CYSLTR2: variants seen among roughly 807,000 people sequenced by gnomAD.
CYSLTR2 encodes cysteinyl leukotriene receptor 2, also known as G-protein coupled receptor GPCR21.
For missense variants in CYSLTR2, 398 were observed against 411.9 expected (o/e 0.97, Z 0.29); for synonymous variants, 179 against 160.8 (o/e 1.11, Z -0.86).
At chr13:48,676,831 A>T (rs535537655) in intron 1 of CYSLTR2, among the ~76,000 whole-genome samples, 2 of 152,366 alleles carry the variant, frequency 1.3e-5, no homozygotes, top group Non-Finnish European at 2.9e-5. Flanking sequence ...AACAATGCCA[A>T]TTTAGCCTGT....
At chr13:48,680,839 G>T (rs1289253065) in intron 1 of CYSLTR2, among the ~76,000 whole-genome samples, 2 of 121,880 alleles carry the variant, frequency 1.6e-5, no homozygotes, top group Admixed American at 2.0e-4. Context: ...GTGAAATGTT[G>T]CAGTGTGGTG....
chr13:48,682,848 T>C (rs1953793451), intron 1 of CYSLTR2, among the ~76,000 whole-genome samples: 1 of 152,140 alleles, frequency 6.6e-6, no homozygotes, highest in Admixed American at 6.6e-5. Flanking sequence ...TAGTACCCAA[T>C]AACTATTTTT....
At chr13:48,672,620 T>TC (rs1015118115) in intron 1 of CYSLTR2, among the ~76,000 whole-genome samples, 16 of 99,054 alleles carry the variant, frequency 1.6e-4, no homozygotes, top group East Asian at 1.3e-3. Context: ...TCTTTTCTTT[T>TC]TTTTTTTTTT....
At chr13:48,684,171 C>T (rs1953836269) in intron 1 of CYSLTR2, among the ~76,000 whole-genome samples, 1 of 152,058 alleles carries the variant, frequency 6.6e-6, no homozygotes, top group Non-Finnish European at 1.5e-5. Flanking sequence ...TCAAGTGATC[C>T]TCCCACCTTG....
chr13:48,684,303 T>C (rs1176879951), intron 1 of CYSLTR2, among the ~76,000 whole-genome samples: 1 of 152,028 alleles, frequency 6.6e-6, no homozygotes, highest in African/African-American at 2.4e-5. Context: ...TGGGGTAATC[T>C]TGAGAGATTC....
chr13:48,691,598 A>G, intron 2 of CYSLTR2, among the ~76,000 whole-genome samples: 1 of 152,108 alleles, frequency 6.6e-6, no homozygotes. Context: ...AGCTAATGAA[A>G]GACTGAAATA....
At chr13:48,655,468 G>A (rs1264833462) in intron 1 of CYSLTR2, among the ~76,000 whole-genome samples, 3 of 152,180 alleles carry the variant, frequency 2.0e-5, no homozygotes, top group Admixed American at 1.3e-4. Context: ...CCAGGGCTGC[G>A]TTCTGGTTTC....
chr13:48,663,626 AT>A (rs1273364955), intron 1 of CYSLTR2, among the ~76,000 whole-genome samples: 3 of 151,324 alleles, frequency 2.0e-5, no homozygotes, highest in Non-Finnish European at 3.0e-5. Context: ...CCCTCTTGAT[AT>A]TTTTTTTCCA....
intron 1 of CYSLTR2, among the ~76,000 whole-genome samples, chr13:48,662,382 A>G (rs1460267248): frequency 6.6e-6 from 1 of 152,198 alleles, no homozygotes; most frequent in African/African-American, 2.4e-5. Flanking sequence ...CACAAGTGAG[A>G]CTGATGGATC....
chr13:48,680,375 A>G (rs1953715658), intron 1 of CYSLTR2, among the ~76,000 whole-genome samples: 1 of 152,242 alleles, frequency 6.6e-6, no homozygotes, highest in African/African-American at 2.4e-5. Context: ...AATCAGGAAC[A>G]GTTGCAGCTT....
intron 1 of CYSLTR2, among the ~76,000 whole-genome samples, chr13:48,684,568 G>A (rs1001766997): frequency 4.6e-5 from 7 of 151,936 alleles, no homozygotes; most frequent in African/African-American, 1.7e-4. Context: ...GGAACAATGA[G>A]GGAGCACTTA....
intron 1 of CYSLTR2, among the ~76,000 whole-genome samples, chr13:48,661,005 C>T (rs1215224013): frequency 1.3e-5 from 2 of 152,222 alleles, no homozygotes; most frequent in African/African-American, 2.4e-5. Context: ...CAGGCCCTGA[C>T]CTAAGTGCCA....
rs201596957 is a variant in CYSLTR2, at chr13:48,709,395, C to A, written c.*1537C>A. The A allele has an allele frequency of 6.0e-6, 1 of 166,856 alleles. No homozygotes were observed. The highest frequency in any genetic ancestry group is 1.5e-5 in the Non-Finnish European group (1 of 68,100). 10.3% of individuals were successfully genotyped at this position (166,856 alleles called of 1,614,324 possible). A position where few individuals can be genotyped will look rare whatever the true frequency, so the allele number is the denominator to read the frequency against. On this transcript the variant is annotated 3_prime_UTR_variant, in exon 5 of 5. Transcript: ENST00000682523. Reference sequence around the variant, plus strand: ...CCAGTACCCTTTCCTTATTTAGCTACCAGAATGATGACAGACAGACTCAAA... The same window carrying A: ...CCAGTACCCTTTCCTTATTTAGCTAACAGAATGATGACAGACAGACTCAAA...
intron 1 of CYSLTR2, among the ~76,000 whole-genome samples, chr13:48,669,669 AG>A (rs1193938771): frequency 2.0e-5 from 3 of 152,150 alleles, no homozygotes; most frequent in African/African-American, 7.2e-5. Flanking sequence ...TTCTTTATCC[AG>A]TCTATCATTG....
rs1257710251 is a variant in CYSLTR2 at position 48,696,644 on chromosome 13, C to T, written c.-2+18C>T. The T allele has an allele frequency of 6.6e-6, 1 of 152,236 alleles. No homozygotes were observed. Among genetic ancestry groups the T allele is most frequent in the Non-Finnish European group, 1.5e-5 (1 of 68,068 alleles). The allele number at this position is 152,236 out of a possible 1,614,324, so 9.4% of individuals were successfully genotyped here. Reference sequence around the variant, plus strand: ...CAACTGAGGTACTGGGTTCATCTCACTGGGGCTTGTCAGACAGTGGGTGCA... The same window carrying T: ...CAACTGAGGTACTGGGTTCATCTCATTGGGGCTTGTCAGACAGTGGGTGCA... On this transcript the variant is annotated intron_variant, in intron 4 of 4. Coordinates refer to ENST00000682523, the MANE Select transcript of CYSLTR2 (RefSeq NM_001308476.3).
At chr13:48,678,813 C>T (rs1953670640) in intron 1 of CYSLTR2, among the ~76,000 whole-genome samples, 1 of 152,128 alleles carries the variant, frequency 6.6e-6, no homozygotes, top group African/African-American at 2.4e-5. Flanking sequence ...TTTAGTCCAT[C>T]CACAGTCTGG....
Position 48,706,916 on chromosome 13 carries a change from T to C in CYSLTR2, c.99T>C (p.Ile33=). The stretch of plus-strand genomic sequence containing the variant: ...ATAACAACAGCAGGAACTGCACAAT[T>C]GAAAACTTCAAGAGAGAATTTTTCC... ...FSNNNSRNCT[I]ENFKREFFPI... is the part of the protein sequence containing the mutation. Residue 33 remains isoleucine (I), a synonymous_variant, in exon 5 of 5, where the codon ATT becomes ATC. Coordinates refer to ENST00000682523, the MANE Select transcript of CYSLTR2 (RefSeq NM_001308476.3). 1 of 1,614,220 alleles carries C rather than the reference T, an allele frequency of 6.2e-7. No homozygotes were observed. Among genetic ancestry groups the C allele is most frequent in the South Asian group, 1.1e-5 (1 of 91,082 alleles).
At chr13:48,702,857 CATAATTTTGTATATAAATCTGGGG>C (rs1954386472) in intron 4 of CYSLTR2, among the ~76,000 whole-genome samples, 1 of 152,138 alleles carries the variant, frequency 6.6e-6, no homozygotes, top group Non-Finnish European at 1.5e-5. Context: ...CTGGGAATTT[CATAATTTTGTATATAAATCTGGGG>C]AGAATTGACA....
In CYSLTR2 at chr13:48,708,765, A is replaced by C. The variant is rs1469757935; in HGVS notation, c.*907A>C. 1 of 167,062 alleles carries C rather than the reference A, an allele frequency of 6.0e-6. No homozygotes were observed. The highest frequency in any genetic ancestry group is 1.5e-5 in the Non-Finnish European group (1 of 68,114). The allele number at this position is 167,062 out of a possible 1,614,324, so 10.3% of individuals were successfully genotyped here. On this transcript the variant is annotated 3_prime_UTR_variant, in exon 5 of 5. Coordinates refer to ENST00000682523, the MANE Select transcript of CYSLTR2 (RefSeq NM_001308476.3). Reference sequence around the variant, plus strand: ...CAAGGGAAAGATGGAGTAGAGGGCAAATAGCAAAAGTTGTTGCACTCCTGA... The same window carrying C: ...CAAGGGAAAGATGGAGTAGAGGGCACATAGCAAAAGTTGTTGCACTCCTGA...
Sources: allele counts gnomAD v4.1 joint callset (sites outside exome capture counted in the v4.1 genomes callset), GRCh38; gene constraint gnomAD v4.1.1; transcripts MANE v1.5; gene names NCBI Gene and HGNC (gene_info 2026-07-23, HGNC 2026-07-21).